RBFOX1: variants seen among roughly 807,000 people sequenced by gnomAD.
RBFOX1 encodes RNA binding protein fox-1 homolog 1.
In RBFOX1, 8 loss-of-function variants were observed where a neutral mutation model predicts 57.7. The observed-to-expected ratio is 0.14, with a 90% CI of 0.08 to 0.25. The LOEUF is 0.25. Among genes scored for constraint, RBFOX1 ranks in the 10% least tolerant of loss-of-function variants. RBFOX1 has a pLI of 1.00. For missense variants in RBFOX1, 611 were observed against 548.5 expected, an observed-to-expected ratio of 1.11 and a Z score of -1.14; for synonymous variants, 326 against 222.4, an observed-to-expected ratio of 1.47 and a Z score of -4.15.
At chr16:6,030,194 C>T (rs1344204121) in intron 1 of RBFOX1, among the ~76,000 whole-genome samples, 2 of 152,236 alleles carry the variant, frequency 1.3e-5, no homozygotes, top group Admixed American at 6.5e-5. Flanking sequence ...GCTGGGATTA[C>T]AGGCATGAGC....
chr16:5,822,466 A>T (rs1428559828), intron 3 of RBFOX1, among the ~76,000 whole-genome samples: 1 of 152,196 alleles, frequency 6.6e-6, no homozygotes, highest in South Asian at 2.1e-4. Context: ...AAAAATAAAA[A>T]GTTATTTATA....
intron 3 of RBFOX1, among the ~76,000 whole-genome samples, chr16:5,735,122 C>T (rs954448549): frequency 1.3e-5 from 2 of 152,332 alleles, no homozygotes; most frequent in Admixed American, 1.3e-4. Context: ...TACTCCGTTT[C>T]TGTGCCTGAA....
chr16:7,319,059 C>G (rs1429707468), intron 4 of RBFOX1, among the ~76,000 whole-genome samples: 2 of 152,054 alleles, frequency 1.3e-5, no homozygotes, highest in African/African-American at 4.8e-5. Context: ...AACTCCAGTG[C>G]CAATTTTTTT....
At chr16:7,709,978 C>T (rs1326582875) in intron 15 of RBFOX1, 3 of 1,007,786 alleles carry the variant, frequency 3.0e-6, no homozygotes, top group Non-Finnish European at 3.5e-6. Flanking sequence ...ATTGCCAATA[C>T]TTTTAGAAAA....
intron 3 of RBFOX1, among the ~76,000 whole-genome samples, chr16:6,993,218 A>G (rs936805989): frequency 3.3e-5 from 5 of 152,194 alleles, no homozygotes; most frequent in Admixed American, 6.5e-5. Context: ...TAGCTGTGCA[A>G]TGACTTGTTG....
chr16:5,251,781 C>T (rs1389659182), intron 1 of RBFOX1, among the ~76,000 whole-genome samples: 11 of 151,516 alleles, frequency 7.3e-5, no homozygotes, highest in Non-Finnish European at 1.6e-4. Context: ...CAACATGTGT[C>T]AACATTCCTC....
chr16:6,956,701 G>C (rs142061429), intron 3 of RBFOX1, among the ~76,000 whole-genome samples: 1 of 152,146 alleles, frequency 6.6e-6, no homozygotes, highest in Non-Finnish European at 1.5e-5. Context: ...CATTTGCTCT[G>C]CTTAATGCCT....
chr16:7,292,915 C>T (rs759584143), intron 4 of RBFOX1, among the ~76,000 whole-genome samples: 6 of 151,974 alleles, frequency 3.9e-5, no homozygotes, highest in Admixed American at 6.6e-5. Flanking sequence ...CAACTGTTGC[C>T]GAGCTTTTAA....
intron 4 of RBFOX1, among the ~76,000 whole-genome samples, chr16:7,445,970 C>T (rs556628976): frequency 6.6e-6 from 1 of 152,274 alleles, no homozygotes; most frequent in Admixed American, 6.5e-5. Context: ...CTAAAGAAGC[C>T]CATTTCAAGA....
intron 1 of RBFOX1, among the ~76,000 whole-genome samples, chr16:6,238,998 C>G (rs1186956661): frequency 6.6e-6 from 1 of 152,010 alleles, no homozygotes; most frequent in African/African-American, 2.4e-5. Flanking sequence ...CTTATTCATT[C>G]TTTCTTACTA....
At chr16:5,568,531 C>T (rs1172445602) in intron 2 of RBFOX1, among the ~76,000 whole-genome samples, 2 of 152,100 alleles carry the variant, frequency 1.3e-5, no homozygotes, top group African/African-American at 4.8e-5. Context: ...AAGATAAGCG[C>T]GCAGGGGTTT....
chr16:6,065,221 G>C (rs1415612440), intron 1 of RBFOX1, among the ~76,000 whole-genome samples: 1 of 144,262 alleles, frequency 6.9e-6, no homozygotes, highest in Non-Finnish European at 1.5e-5. Flanking sequence ...TTTCTGTAGA[G>C]ACAGGATCTT....
At chr16:5,832,078 G>A (rs2056294462) in intron 3 of RBFOX1, among the ~76,000 whole-genome samples, 3 of 152,198 alleles carry the variant, frequency 2.0e-5, no homozygotes, top group African/African-American at 7.2e-5. Context: ...CCTGTGTTGA[G>A]GAGGCAGGGC....
chr16:6,925,988 C>T (rs1004533133), intron 3 of RBFOX1, among the ~76,000 whole-genome samples: 2 of 152,000 alleles, frequency 1.3e-5, no homozygotes, highest in South Asian at 2.1e-4. Context: ...CCATGTCAAC[C>T]GTCAGATCTC....
intron 13 of RBFOX1, among the ~76,000 whole-genome samples, chr16:7,667,070 G>A (rs2069584588): frequency 6.6e-6 from 1 of 152,176 alleles, no homozygotes; most frequent in Admixed American, 6.5e-5. Flanking sequence ...TTTTCAGTGG[G>A]GGAGCATCAC....
At chr16:6,283,038 C>A (rs993391788) in intron 1 of RBFOX1, among the ~76,000 whole-genome samples, 1 of 152,288 alleles carries the variant, frequency 6.6e-6, no homozygotes, top group South Asian at 2.1e-4. Flanking sequence ...CTCTAAAACC[C>A]TTACGCAACC....
intron 10 of RBFOX1, among the ~76,000 whole-genome samples, chr16:7,613,482 G>T (rs375113158): frequency 2.6e-5 from 4 of 152,090 alleles, no homozygotes; most frequent in African/African-American, 7.2e-5. Flanking sequence ...ACCTGGCCAC[G>T]GATCACATGA....
chr16:5,926,727 G>C (rs1354327311), intron 4 of RBFOX1, among the ~76,000 whole-genome samples: 1 of 152,198 alleles, frequency 6.6e-6, no homozygotes. Context: ...GTGGATTCAT[G>C]AGAATCGCTT....
intron 3 of RBFOX1, among the ~76,000 whole-genome samples, chr16:6,853,298 A>G (rs922886112): frequency 6.6e-6 from 1 of 151,912 alleles, no homozygotes; most frequent in Non-Finnish European, 1.5e-5. Context: ...CTTGTTTTTG[A>G]TATTGTTTCT....
Sources: gnomAD v4.1 joint callset for allele counts (sites outside exome capture counted in the v4.1 genomes callset) on GRCh38, gnomAD v4.1.1 for gene constraint, MANE v1.5 for transcripts, NCBI Gene and HGNC (gene_info 2026-07-23, HGNC 2026-07-21) for gene names.